CTBS: variants seen among roughly 807,000 people sequenced by gnomAD.
CTBS encodes the protein chitobiase.
In CTBS, 35 loss-of-function variants were observed where a neutral mutation model predicts 44.3. The ratio of observed to expected loss-of-function variants is 0.79; its 90% CI spans 0.60 to 1.05. The LOEUF (loss-of-function observed/expected upper bound fraction) is 1.05. CTBS is among the 50% of genes least tolerant of loss of function. CTBS has a pLI of 0.00. For synonymous variants in CTBS, 143 were observed against 168.0 expected, an observed-to-expected ratio of 0.85 and a Z score of 1.15; for missense variants, 458 against 475.3, an observed-to-expected ratio of 0.96 and a Z score of 0.34.
rs1027191423 is a variant in CTBS at position 84,563,925 on chromosome 1, A to G, written c.698-93T>C. 2.6e-5 allele frequency: 35 copies of G among 1,368,574 alleles called. No individual in the cohort carries two copies. The African/African-American group carries it at 4.6e-4, about 18-fold the overall frequency. 84.8% of individuals were successfully genotyped at this position (1,368,574 alleles called of 1,614,324 possible). ...GCAACCGTTCAGAATCTGTTTGTAA[A>G]AACAAGTACATTTATAAAAAACACT... On this transcript the variant is annotated intron_variant, in intron 4 of 6. Transcript: ENST00000370630.
intron 1 of CTBS, among the ~76,000 whole-genome samples, chr1:84,572,377 G>GATAA (rs1449799076): frequency 2.0e-5 from 3 of 150,372 alleles, no homozygotes; most frequent in Non-Finnish European, 4.4e-5. Context: ...TTTTAGTTCT[G>GATAA]ATAATTAAGA....
chr1:84,572,452 C>G (rs551425443), intron 1 of CTBS, among the ~76,000 whole-genome samples: 130 of 148,432 alleles, frequency 8.8e-4, no homozygotes, highest in African/African-American at 3.0e-3. Context: ...AAAAAAAAAG[C>G]TGGGTGAACT....
chr1:84,570,465 T>C lies in CTBS; in HGVS notation c.316+117A>G, dbSNP rs186414538. ...ATTACACAGTATCTAAGATTAATTA[T>C]AGGATCCTAACAAAAACAGATAAAC... On this transcript the variant is annotated intron_variant, in intron 2 of 6. Transcript: ENST00000370630. 2.1e-4 allele frequency: 170 copies of C among 819,576 alleles called. 1 individual carries two copies. In the African/African-American group the frequency reaches 2.5e-3, roughly 12 times the overall value. The allele number at this position is 819,576 out of a possible 1,614,324, so 50.8% of individuals were successfully genotyped here. A position where few individuals can be genotyped will look rare whatever the true frequency, so the allele number is the denominator to read the frequency against.
chr1:84,570,653 G>A lies in CTBS; in HGVS notation c.245C>T (p.Ala82Val). 6.2e-7 allele frequency: 1 copy of A among 1,613,822 alleles called. No homozygotes were observed. Residue 82 changes from alanine to valine, a missense_variant, in exon 2 of 7, where the codon GCA becomes GTA. Transcript: ENST00000370630. ...SYDWSQITTV[A>V]TFGKYDSELM... ...TTCTGAGTCATATTTTCCAAATGTT[G>A]CCACAGTTGTAATCTGTGACCAATC...
rs1227771183 is a variant in CTBS, at chr1:84,551,996, C to CA, written c.*3002dup. 1 of 151,540 alleles carries CA rather than the reference C, an allele frequency of 6.6e-6. No individual in the cohort carries two copies. The highest frequency in any genetic ancestry group is 1.9e-4 in the East Asian group (1 of 5,178). The allele number at this position is 151,540 out of a possible 1,614,324, so 9.4% of individuals were successfully genotyped here. ...TGAACTCAAATTAGAATTGTTCATA[C>CA]AAAAACAGTAAGGACAAGTGGAATA... On this transcript the variant is annotated 3_prime_UTR_variant, in exon 7 of 7. Coordinates refer to ENST00000370630, the MANE Select transcript of CTBS (RefSeq NM_004388.3).
chr1:84,563,952 A>T, intron 4 of CTBS, 120 bp from the exon 5 acceptor site: 2 of 1,096,932 alleles, frequency 1.8e-6, no homozygotes, highest in Non-Finnish European at 2.4e-6. Flanking sequence ...AAAAACACTA[A>T]TATTGTTTAA....
At chr1:84,573,647 T>A (rs1345400837) in intron 1 of CTBS, among the ~76,000 whole-genome samples, 1 of 152,218 alleles carries the variant, frequency 6.6e-6, no homozygotes, top group African/African-American at 2.4e-5. Context: ...AAGTGGGCAG[T>A]CAGGTGGTTT....
At chr1:84,571,532 A>G (rs1647301166) in intron 1 of CTBS, among the ~76,000 whole-genome samples, 1 of 152,220 alleles carries the variant, frequency 6.6e-6, no homozygotes, top group African/African-American at 2.4e-5. Context: ...TTTTCTTCCC[A>G]CAGTTAATTC....
rs755276932 is a variant in CTBS, at chr1:84,553,292, A to G, written c.*1707T>C. 1.8e-5 allele frequency: 7 copies of G among 390,144 alleles called. No individual in the cohort carries two copies. The highest frequency in any genetic ancestry group is 3.3e-5 in the Non-Finnish European group (7 of 213,496). The allele number at this position is 390,144 out of a possible 1,614,324, so 24.2% of individuals were successfully genotyped here. ...TGTTTCAGGAAATATTAGATGTAATATAAAGCAAAATGATGAATGGTTATT... is the reference window on the plus strand; with the variant it reads ...TGTTTCAGGAAATATTAGATGTAATGTAAAGCAAAATGATGAATGGTTATT... On this transcript the variant is annotated 3_prime_UTR_variant, in exon 7 of 7. Transcript: ENST00000370630.
At chr1:84,573,205 C>G (rs1647368560) in intron 1 of CTBS, among the ~76,000 whole-genome samples, 1 of 152,182 alleles carries the variant, frequency 6.6e-6, no homozygotes, top group Admixed American at 6.5e-5. Flanking sequence ...TAATTTTCCA[C>G]CAAGTCATAG....
chr1:84,557,764 AG>A (rs570510691), intron 6 of CTBS, among the ~76,000 whole-genome samples: 248 of 151,336 alleles, frequency 1.6e-3, no homozygotes, highest in Middle Eastern at 3.4e-3. Flanking sequence ...AGGCTAAGGC[AG>A]GAGAATGGCG....
rs1311406409 is a variant in CTBS at position 84,550,412 on chromosome 1, ATATC to A, written c.*4583_*4586del. On this transcript the variant is annotated 3_prime_UTR_variant, in exon 7 of 7. Coordinates refer to ENST00000370630, the MANE Select transcript of CTBS (RefSeq NM_004388.3). ...AATGTTTATATGTTATACTAAATAA[ATATC>A]TATCTATCCACACAGAATTACCTAA... is the stretch of plus-strand genomic sequence containing the variant. 2.3e-5 allele frequency: 30 copies of A among 1,308,952 alleles called. No homozygotes were observed. Among genetic ancestry groups the A allele is most frequent in the Non-Finnish European group, 2.7e-5 (26 of 965,034 alleles). The allele number at this position is 1,308,952 out of a possible 1,614,324, so 81.1% of individuals were successfully genotyped here. A position where few individuals can be genotyped will look rare whatever the true frequency, so the allele number is the denominator to read the frequency against.
chr1:84,558,688 G>C (rs1310794118), intron 6 of CTBS, among the ~76,000 whole-genome samples: 1 of 151,654 alleles, frequency 6.6e-6, no homozygotes, highest in Non-Finnish European at 1.5e-5. Context: ...ATCACTTGAG[G>C]CCAGGAGTTC....
At chr1:84,557,833 G>C (rs1684492149) in intron 6 of CTBS, among the ~76,000 whole-genome samples, 1 of 151,152 alleles carries the variant, frequency 6.6e-6, no homozygotes, top group Non-Finnish European at 1.5e-5. Context: ...ACACCAGCGT[G>C]GGCGACATAG....
intron 4 of CTBS, among the ~76,000 whole-genome samples, chr1:84,565,118 G>A (rs1231403068): frequency 6.6e-6 from 1 of 151,778 alleles, no homozygotes; most frequent in African/African-American, 2.4e-5. Flanking sequence ...GGCTAAGGCT[G>A]AGCTTGTGAG....
At position 84,569,959 on chromosome 1, in the gene CTBS, G is replaced by C; in HGVS notation, c.497C>G (p.Ser166Cys). Residue 166 changes from serine (S) to cysteine (C), a missense_variant, in exon 3 of 7, where the codon TCT becomes TGT. Transcript: ENST00000370630. ...LTALVKETTD[S>C]FHREIEGSQV... ...TGATCCCTCAATTTCACGATGGAAA[G>C]AGTCTGTAGTTTCTTTGACTAAAGC... 6.2e-7 allele frequency: 1 copy of C among 1,610,424 alleles called. No individual in the cohort carries two copies. The highest frequency in any genetic ancestry group is 8.5e-7 in the Non-Finnish European group (1 of 1,179,296).
Position 84,571,742 on chromosome 1 carries a change from G to A in CTBS, c.178-1022C>T, listed in dbSNP as rs186670673. On this transcript the variant is annotated intron_variant, in intron 1 of 6. Coordinates refer to ENST00000370630, the MANE Select transcript of CTBS (RefSeq NM_004388.3). ...TACAATGGTATTAAGGACTGTAGGGGTTACAGGGGGCCACGCCAGCATATA... is the reference window on the plus strand; with the variant it reads ...TACAATGGTATTAAGGACTGTAGGGATTACAGGGGGCCACGCCAGCATATA... 2.9e-3 allele frequency among the ~76,000 whole-genome samples: 446 copies of A among 152,302 alleles called. 4 individuals are homozygous for A. The highest frequency in any genetic ancestry group is 9.6e-3 in the African/African-American group (400 of 41,554).
Position 84,553,216 on chromosome 1 carries a change from T to C in CTBS, c.*1783A>G, listed in dbSNP as rs1204458610. On this transcript the variant is annotated 3_prime_UTR_variant, in exon 7 of 7. Transcript: ENST00000370630. The stretch of plus-strand genomic sequence containing the variant: ...CATTATTCTCCTTGGCAATGTTTTA[T>C]AAAAAGCACAAGGTTTCTCTTTCTC... 5 of 718,870 alleles carry C rather than the reference T, an allele frequency of 7.0e-6. No homozygotes were observed. The highest frequency in any genetic ancestry group is 4.0e-4 in the Middle Eastern group (1 of 2,520). 44.5% of individuals were successfully genotyped at this position (718,870 alleles called of 1,614,324 possible). A position where few individuals can be genotyped will look rare whatever the true frequency, so the allele number is the denominator to read the frequency against.
chr1:84,572,662 GT>G lies in CTBS; in HGVS notation c.177+1576del, dbSNP rs11369641. 6.5e-3 allele frequency among the ~76,000 whole-genome samples: 959 copies of G among 146,618 alleles called. 6 individuals are homozygous for G. Among genetic ancestry groups the G allele is most frequent in the Non-Finnish European group, 9.7e-3 (639 of 66,192 alleles). On this transcript the variant is annotated intron_variant, in intron 1 of 6. Transcript: ENST00000370630. ...TTGGGTACTACAGTAAATCTTTCAG[GT>G]TTTTTTTTTTTCTCTTTTTTGAGAC...
Sources: allele counts gnomAD v4.1 joint callset (sites outside exome capture counted in the v4.1 genomes callset), GRCh38; gene constraint gnomAD v4.1.1; transcripts MANE v1.5; gene names NCBI Gene and HGNC (gene_info 2026-07-23, HGNC 2026-07-21).